The following PTPN11 variants were observed in gnomAD, a reference collection of about 807,000 sequenced individuals.
PTPN11 encodes the protein tyrosine-protein phosphatase non-receptor type 11.
A neutral mutation model predicts 78.8 loss-of-function variants in PTPN11; 6 were observed. The ratio of observed to expected loss-of-function variants is 0.08; its 90% CI spans 0.04 to 0.15. PTPN11 has a LOEUF of 0.15. Among genes scored for constraint, PTPN11 ranks in the 10% least tolerant of loss-of-function variants. The pLI is 1.00. For missense variants in PTPN11, 386 were observed against 744.8 expected, an observed-to-expected ratio of 0.52 and a Z score of 5.61; for synonymous variants, 221 against 263.5, an observed-to-expected ratio of 0.84 and a Z score of 1.56.
rs370723134 is a variant in PTPN11, at chr12:112,441,361, A to G, written c.15-4915A>G. Among the ~76,000 whole-genome samples the G allele has an allele frequency of 9.2e-5, 14 of 151,986 alleles. No individual in the cohort carries two copies. In the East Asian group the frequency reaches 1.5e-3, roughly 17 times the overall value. ...ACTGCATTCTCTGCCTCCCAGACTC[A>G]AGCAATCCTCCCACCTTAGCCTCCT... On this transcript the variant is annotated intron_variant, in intron 1 of 15. Transcript: ENST00000351677.
At chr12:112,440,622 G>A (rs7961064) in intron 1 of PTPN11, among the ~76,000 whole-genome samples, 5,639 of 140,940 alleles carry the variant, frequency 0.04, 246 homozygotes, top group African/African-American at 0.11. Flanking sequence ...TGCCTAGGCT[G>A]GAGCGCAGTG....
At chr12:112,426,396 A>G (rs529223794) in intron 1 of PTPN11, among the ~76,000 whole-genome samples, 1 of 152,214 alleles carries the variant, frequency 6.6e-6, no homozygotes, top group African/African-American at 2.4e-5. Flanking sequence ...AGCTGGGATT[A>G]CAGGCATGCG....
chr12:112,441,264 T>G (rs888248879), intron 1 of PTPN11, among the ~76,000 whole-genome samples: 10 of 147,208 alleles, frequency 6.8e-5, no homozygotes, highest in African/African-American at 2.5e-4. Context: ...TTGCCCAGCC[T>G]TTTTTTTTTA....
At chr12:112,501,886 C>T (rs1027420623) in intron 13 of PTPN11, among the ~76,000 whole-genome samples, 3 of 152,124 alleles carry the variant, frequency 2.0e-5, no homozygotes, top group East Asian at 1.9e-4. Flanking sequence ...ACATTTGGTT[C>T]GGTACAGTAA....
intron 13 of PTPN11, among the ~76,000 whole-genome samples, chr12:112,493,201 G>A (rs1592857405): frequency 1.3e-5 from 2 of 151,896 alleles, no homozygotes; most frequent in East Asian, 1.9e-4. Flanking sequence ...TGGGATTACA[G>A]GTGCCCACCA....
intron 6 of PTPN11, among the ~76,000 whole-genome samples, chr12:112,472,536 C>CT (rs71445574): frequency 0.019 from 2,662 of 141,928 alleles, 76 homozygotes; most frequent in African/African-American, 0.061. Flanking sequence ...GATGAACCTT[C>CT]TTTTTTTTTT....
At chr12:112,421,012 A>G (rs1489415730) in intron 1 of PTPN11, among the ~76,000 whole-genome samples, 2 of 152,196 alleles carry the variant, frequency 1.3e-5, no homozygotes, top group South Asian at 2.1e-4. Flanking sequence ...AGGTCTGGGT[A>G]GTAATAGACC....
chr12:112,484,330 C>T (rs1274589199), intron 10 of PTPN11, among the ~76,000 whole-genome samples: 2 of 152,164 alleles, frequency 1.3e-5, no homozygotes, highest in Non-Finnish European at 2.9e-5. Context: ...GGTTTTTCTC[C>T]AAGGACACTT....
intron 11 of PTPN11, chr12:112,486,940 T>C: frequency 7.5e-7 from 1 of 1,333,770 alleles, no homozygotes; most frequent in East Asian, 3.1e-5. Flanking sequence ...AGTTTCTCCT[T>C]ATTCTTCATG....
chr12:112,492,917 C>T (rs1163544785), intron 13 of PTPN11, among the ~76,000 whole-genome samples: 4 of 152,154 alleles, frequency 2.6e-5, no homozygotes, highest in Non-Finnish European at 5.9e-5. Flanking sequence ...TTTCTGTTTC[C>T]ATCATTGCCT....
chr12:112,423,740 C>CTTTT (rs1238357055), intron 1 of PTPN11, among the ~76,000 whole-genome samples: 17 of 110,682 alleles, frequency 1.5e-4, no homozygotes, highest in East Asian at 2.5e-4. Context: ...CATACAATGT[C>CTTTT]TTTTTTTTTT....
chr12:112,503,173 C>T (rs1040072170), intron 14 of PTPN11, among the ~76,000 whole-genome samples: 9 of 152,186 alleles, frequency 5.9e-5, no homozygotes, highest in Non-Finnish European at 1.0e-4. Context: ...GAATAATATG[C>T]GACAGAGACC....
At chr12:112,476,421 T>C (rs2038503661) in intron 7 of PTPN11, among the ~76,000 whole-genome samples, 1 of 152,152 alleles carries the variant, frequency 6.6e-6, no homozygotes, top group African/African-American at 2.4e-5. Context: ...TGTACAGAAT[T>C]TGGACAGTTG....
At position 112,507,166 on chromosome 12, in the gene PTPN11, G is replaced by C. The variant is rs139266170; in HGVS notation, c.*1374G>C. ...TGGAAAACCAAGGATATTAGCAAAA[G>C]CAGAAGTTGCTAGTGACCTTGGGAA... On this transcript the variant is annotated 3_prime_UTR_variant, in exon 16 of 16. Coordinates refer to ENST00000351677, the MANE Select transcript of PTPN11 (RefSeq NM_002834.5). 7.8e-3 allele frequency: 1,186 copies of C among 152,910 alleles called. 15 individuals carry two copies. Among genetic ancestry groups the C allele is most frequent in the African/African-American group, 0.026 (1,092 of 41,588 alleles). The allele number at this position is 152,910 out of a possible 1,614,324, so 9.5% of individuals were successfully genotyped here.
intron 13 of PTPN11, among the ~76,000 whole-genome samples, chr12:112,493,426 C>T (rs2135921624): frequency 6.7e-6 from 1 of 148,340 alleles, no homozygotes; most frequent in Admixed American, 6.7e-5. Context: ...ACTTTGTCAC[C>T]CTGGCTGGAG....
intron 1 of PTPN11, among the ~76,000 whole-genome samples, chr12:112,421,456 T>G (rs1156483854): frequency 6.6e-6 from 1 of 152,172 alleles, no homozygotes; most frequent in Non-Finnish European, 1.5e-5. Flanking sequence ...TAGTTTGCAT[T>G]TCCTAGAATT....
intron 1 of PTPN11, among the ~76,000 whole-genome samples, chr12:112,439,408 C>G (rs2037846204): frequency 6.6e-6 from 1 of 152,080 alleles, no homozygotes; most frequent in African/African-American, 2.4e-5. Context: ...ATTCTCATGC[C>G]TCAGCCTCCC....
chr12:112,508,244 G>A lies in PTPN11; in HGVS notation c.*2452G>A, dbSNP rs186635899. 5.9e-5 allele frequency: 9 copies of A among 152,768 alleles called. No homozygotes were observed. The highest frequency in any genetic ancestry group is 3.3e-4 in the Admixed American group (5 of 15,298). 9.5% of individuals were successfully genotyped at this position (152,768 alleles called of 1,614,324 possible). A position where few individuals can be genotyped will look rare whatever the true frequency, so the allele number is the denominator to read the frequency against. ...CTCCACGAGGTCAGCAAACTATCAT[G>A]TTCTTATGTAAACTTAGGCCAAGGC... On this transcript the variant is annotated 3_prime_UTR_variant, in exon 16 of 16. Transcript: ENST00000351677.
intron 6 of PTPN11, among the ~76,000 whole-genome samples, chr12:112,458,562 A>G (rs1267153674): frequency 6.6e-6 from 1 of 152,220 alleles, no homozygotes; most frequent in Non-Finnish European, 1.5e-5. Context: ...GTGGAATAGA[A>G]CATTCTCAGT....
Sources: allele counts gnomAD v4.1 joint callset (sites outside exome capture counted in the v4.1 genomes callset), GRCh38; gene constraint gnomAD v4.1.1; transcripts MANE v1.5; gene names NCBI Gene and HGNC (gene_info 2026-07-23, HGNC 2026-07-21).